Variants in PSG3 observed in about 807,000 individuals in gnomAD.
PSG3 encodes the protein pregnancy-specific beta-1-glycoprotein 3.
Under a neutral mutation model 47.5 loss-of-function variants are expected in PSG3, and 61 were observed. That is an observed-to-expected ratio of 1.28 (90% CI 1.05 to 1.59). The LOEUF is 1.59. PSG3 is among the 40% of genes most tolerant of loss of function. PSG3 has a pLI of 0.00. For missense variants in PSG3, 756 were observed against 524.0 expected, an observed-to-expected ratio of 1.44 and a Z score of -4.32; for synonymous variants, 263 against 198.4, an observed-to-expected ratio of 1.33 and a Z score of -2.74.
chr19:42,733,456 G>T (rs369715064), intron 2 of PSG3: 6 of 216,110 alleles, frequency 2.8e-5, no homozygotes, highest in Non-Finnish European at 5.6e-5. Flanking sequence ...GCCGCCCGAG[G>T]TATGTTTTCT....
At chr19:42,722,386 G>A (rs1294733540) in intron 6 of PSG3, among the ~76,000 whole-genome samples, 1 of 152,142 alleles carries the variant, frequency 6.6e-6, no homozygotes, top group Non-Finnish European at 1.5e-5. Context: ...GAGTAGCTGG[G>A]ACTACAGGTG....
At chr19:42,728,696 T>C (rs1969414395) in intron 5 of PSG3, among the ~76,000 whole-genome samples, 1 of 152,178 alleles carries the variant, frequency 6.6e-6, no homozygotes. Context: ...GGCTTCCTCC[T>C]CTCATCTGGG....
chr19:42,721,870 T>G lies in PSG3; in HGVS notation c.*261A>C. ...TGAAAACATTGTTTTGACTATTTAG[T>G]CCAATAAAATTGGGTTTTTTTCTTT... On this transcript the variant is annotated 3_prime_UTR_variant, in exon 7 of 7. Transcript: ENST00000327495. 1 of 414,824 alleles carries G rather than the reference T, an allele frequency of 2.4e-6. No individual in the cohort carries two copies. The highest frequency in any genetic ancestry group is 2.0e-5 in the African/African-American group (1 of 48,816). The allele number at this position is 414,824 out of a possible 1,614,324, so 25.7% of individuals were successfully genotyped here.
At position 42,729,328 on chromosome 19, in the gene PSG3, T is replaced by A. The variant is rs1482925317; in HGVS notation, c.1038A>T (p.Ser346=). 6.2e-7 allele frequency: 1 copy of A among 1,614,168 alleles called. No individual in the cohort carries two copies. Among genetic ancestry groups the A allele is most frequent in the East Asian group, 2.2e-5 (1 of 44,890 alleles). The part of the protein sequence containing the change: ...RIYPSFTYYH[S]GENLYLSCFA... ...AGCAGGACAAGTAGAGGTTTTCTCC[T>A]GAATGGTAATAGGTGAATGAAGGGT... The change falls in exon 5 of 7, where the codon TCA becomes TCT. Residue 346 remains serine, a synonymous_variant. Transcript: ENST00000327495.
At position 42,721,955 on chromosome 19, in the gene PSG3, T is replaced by A. The variant is rs1188063584; in HGVS notation, c.*176A>T. On this transcript the variant is annotated 3_prime_UTR_variant, in exon 7 of 7. Transcript: ENST00000327495. ...AAAATTTTGAAAGTTCTTAGTCCAG[T>A]GGTATGATCTTGAAGTTATCAGGAA... 7.2e-6 allele frequency: 3 copies of A among 415,734 alleles called. No homozygotes were observed. Among genetic ancestry groups the A allele is most frequent in the Non-Finnish European group, 1.3e-5 (3 of 226,574 alleles). The allele number at this position is 415,734 out of a possible 1,614,324, so 25.8% of individuals were successfully genotyped here.
Position 42,724,013 on chromosome 19 carries a change from G to A in PSG3, c.1256C>T (p.Thr419Ile), listed in dbSNP as rs777314056. 3.1e-6 allele frequency: 5 copies of A among 1,611,514 alleles called. No individual in the cohort carries two copies. In the South Asian group the frequency reaches 3.3e-5, roughly 11 times the overall value. Reference protein sequence around the residue: ...MTVKVSAPSGTGHLPGLNPL With the variant: ...MTVKVSAPSGIGHLPGLNPL ...TGGATTAAGGCCAGGAAGATGTCCTGTTCCTGAAGGAGCTGTCATGGAAAA... is the reference window on the plus strand; with the variant it reads ...TGGATTAAGGCCAGGAAGATGTCCTATTCCTGAAGGAGCTGTCATGGAAAA... The change falls in exon 6 of 7, where the codon ACA (threonine) becomes ATA (isoleucine). Residue 419 changes from threonine to isoleucine, a missense_variant. Physicochemically the swap from Thr to Ile is moderately conservative, Grantham distance 89 (BLOSUM62 -1). Transcript: ENST00000327495.
chr19:42,730,079 A>T, intron 3 of PSG3, 23 bp from the exon 4 acceptor site: 1 of 1,607,856 alleles, frequency 6.2e-7, no homozygotes, highest in Non-Finnish European at 8.5e-7. Context: ...CAGAGAGAAG[A>T]TTGTCCTGTG....
chr19:42,735,540 G>C (rs1161488984), intron 2 of PSG3, among the ~76,000 whole-genome samples: 2 of 152,016 alleles, frequency 1.3e-5, no homozygotes, highest in African/African-American at 2.4e-5. Context: ...CTAATTTTTT[G>C]TATTTTTAGT....
chr19:42,723,984 A>C lies in PSG3; in HGVS notation c.1285T>G (p.Ter429GluextTer3), dbSNP rs779066923. ...TGHLPGLNPL[*>E] ...ATACAGAAATGACATCACGGCTGCT[A>C]TAATGGATTAAGGCCAGGAAGATGT... Residue 429 changes from the stop codon to glutamate (E), a stop_lost, in exon 6 of 7, where the codon TAG becomes GAG. Transcript: ENST00000327495. The C allele has an allele frequency of 3.1e-6, 5 of 1,609,858 alleles. No individual in the cohort carries two copies. The highest frequency in any genetic ancestry group is 2.7e-5 in the African/African-American group (2 of 74,836).
intron 2 of PSG3, among the ~76,000 whole-genome samples, chr19:42,734,928 C>G (rs1193131605): frequency 2.0e-5 from 3 of 152,208 alleles, no homozygotes; most frequent in African/African-American, 7.2e-5. Context: ...GGAAACACCA[C>G]TAGTGTTTAA....
Position 42,738,989 on chromosome 19 carries a change from G to C in PSG3, c.165C>G (p.Val55=), listed in dbSNP as rs149983570. Residue 55 remains valine (V), a synonymous_variant, in exon 2 of 7, where the codon GTC becomes GTG. Transcript: ENST00000327495. The part of the protein sequence containing the change: ...VSKGKDVLLL[V]HNLPQNLAGY... Reference sequence around the variant, plus strand: ...CAGCAAGATTCTGGGGCAAATTGTGGACAAGTAGAAGAACGTCCTTCCCCT... The same window carrying C: ...CAGCAAGATTCTGGGGCAAATTGTGCACAAGTAGAAGAACGTCCTTCCCCT... The C allele has an allele frequency of 0.016, 25,534 of 1,613,986 alleles. 264 individuals are homozygous for C. The highest frequency in any genetic ancestry group is 0.017 in the Non-Finnish European group (20,405 of 1,179,944).
intron 2 of PSG3, among the ~76,000 whole-genome samples, chr19:42,737,142 G>A (rs1163179595): frequency 2.6e-5 from 4 of 151,938 alleles, no homozygotes; most frequent in African/African-American, 9.7e-5. Flanking sequence ...CCAGGACCAA[G>A]GAGCCCTGAG....
At chr19:42,735,230 C>G (rs1969543611) in intron 2 of PSG3, among the ~76,000 whole-genome samples, 1 of 152,172 alleles carries the variant, frequency 6.6e-6, no homozygotes, top group South Asian at 2.1e-4. Context: ...TGTTGTTCCA[C>G]TTTTTTTCCC....
chr19:42,738,687 A>G (rs758376980), intron 2 of PSG3, 37 bp downstream of exon 2: 16 of 1,612,488 alleles, frequency 9.9e-6, no homozygotes, highest in Middle Eastern at 1.7e-4. Context: ...TAAAGACCCC[A>G]TCCCCCAACA....
intron 6 of PSG3, 61 bp downstream of exon 6, chr19:42,723,881 C>T: frequency 7.4e-7 from 1 of 1,347,226 alleles, no homozygotes; most frequent in South Asian, 1.2e-5. Context: ...AAGTCTTTTC[C>T]CTCTCCCAAG....
In PSG3 at chr19:42,732,985, C is replaced by T. The variant is rs935553516; in HGVS notation, c.508G>A (p.Asp170Asn). 5 of 1,614,028 alleles carry T rather than the reference C, an allele frequency of 3.1e-6. No homozygotes were observed. Among genetic ancestry groups the T allele is most frequent in the Non-Finnish European group, 4.2e-6 (5 of 1,180,018 alleles). ...TAGCTTGCGTCCGGAGTCTCAGGATCACAGGTTAAGCTCACAGCCTCCATG... is the reference window on the plus strand; with the variant it reads ...TAGCTTGCGTCCGGAGTCTCAGGATTACAGGTTAAGCTCACAGCCTCCATG... Reference protein sequence around the residue: ...EDMEAVSLTCDPETPDASYLW... With the variant: ...EDMEAVSLTCNPETPDASYLW... The change falls in exon 3 of 7, where the codon GAT becomes AAT. Residue 170 changes from aspartate to asparagine, a missense_variant. Coordinates refer to ENST00000327495, the MANE Select transcript of PSG3 (RefSeq NM_021016.4).
Position 42,738,891 on chromosome 19 carries a change from A to C in PSG3, c.263T>G (p.Ile88Arg). The change falls in exon 2 of 7, where the codon ATA (isoleucine) becomes AGA (arginine). Residue 88 changes from isoleucine (I) to arginine (R), a missense_variant. By Grantham distance (97) the Ile-to-Arg change is moderately conservative. Coordinates refer to ENST00000327495, the MANE Select transcript of PSG3 (RefSeq NM_021016.4). ...ACTGTATGCAGGCCCATATATAATT[A>C]TTTGACCATCTACTACGTATGATGT... ...YITSYVVDGQ[I>R]IIYGPAYSGR... 6.2e-7 allele frequency: 1 copy of C among 1,614,042 alleles called. No individual in the cohort carries two copies. Among genetic ancestry groups the C allele is most frequent in the Non-Finnish European group, 8.5e-7 (1 of 1,179,988 alleles).
intron 2 of PSG3, among the ~76,000 whole-genome samples, chr19:42,734,925 C>A (rs534990346): frequency 3.3e-4 from 51 of 152,294 alleles, no homozygotes; most frequent in African/African-American, 1.2e-3. Context: ...TCAGGAAACA[C>A]CACTAGTGTT....
At chr19:42,726,468 A>G (rs1969379556) in intron 5 of PSG3, among the ~76,000 whole-genome samples, 1 of 152,234 alleles carries the variant, frequency 6.6e-6, no homozygotes, top group Non-Finnish European at 1.5e-5. Context: ...ACATTCAAAC[A>G]TCAGTTGTAT....
Sources: gnomAD v4.1 joint callset for allele counts (sites outside exome capture counted in the v4.1 genomes callset) on GRCh38, gnomAD v4.1.1 for gene constraint, MANE v1.5 for transcripts, NCBI Gene and HGNC (gene_info 2026-07-23, HGNC 2026-07-21) for gene names.